The following HPSE2 variants were observed in gnomAD, a reference collection of about 807,000 sequenced individuals.
HPSE2 encodes inactive heparanase-2.
Under a neutral mutation model 60.5 loss-of-function variants are expected in HPSE2, and 38 were observed. The observed-to-expected ratio is 0.63, with a 90% CI of 0.48 to 0.82. The LOEUF is 0.82. Among genes scored for constraint, HPSE2 ranks in the 40% least tolerant of loss-of-function variants. HPSE2 has a pLI of 0.00. For synonymous variants in HPSE2, 295 were observed against 293.2 expected (o/e 1.01, Z -0.06); for missense variants, 713 against 740.4 (o/e 0.96, Z 0.43).
chr10:98,765,030 T>C (rs989462570), intron 3 of HPSE2, among the ~76,000 whole-genome samples: 1 of 152,070 alleles, frequency 6.6e-6, no homozygotes, highest in African/African-American at 2.4e-5. Context: ...CCAAAACATA[T>C]GAAGCAAAAA....
At chr10:98,834,764 T>C (rs934273528) in intron 3 of HPSE2, among the ~76,000 whole-genome samples, 19 of 152,116 alleles carry the variant, frequency 1.2e-4, no homozygotes, top group African/African-American at 3.6e-4. Context: ...AAGAACACAA[T>C]GCAACAGATT....
chr10:98,921,139 AAACTG>A (rs1462718331), intron 3 of HPSE2, among the ~76,000 whole-genome samples: 11 of 152,162 alleles, frequency 7.2e-5, no homozygotes, highest in Admixed American at 5.2e-4. Context: ...TCTCATATGT[AAACTG>A]AATATAATAC....
intron 3 of HPSE2, among the ~76,000 whole-genome samples, chr10:98,942,973 T>A (rs1288430319): frequency 1.3e-5 from 2 of 150,724 alleles, no homozygotes; most frequent in Non-Finnish European, 2.9e-5. Context: ...CAGTAAACTA[T>A]CGCAAGGACA....
chr10:99,287,267 A>G, the HPSE2 span, among the ~76,000 whole-genome samples: 28 of 152,288 alleles, frequency 1.8e-4, 1 homozygote, highest in African/African-American at 6.7e-4. Flanking sequence ...CAGCAGGAAT[A>G]AATGAGGAGA....
At chr10:98,822,651 C>T (rs1225898668) in intron 3 of HPSE2, among the ~76,000 whole-genome samples, 3 of 152,052 alleles carry the variant, frequency 2.0e-5, no homozygotes, top group African/African-American at 7.2e-5. Context: ...GAAAACAAAA[C>T]CCATAATATG....
chr10:99,047,586 C>T, intron 3 of HPSE2: 1 of 602,534 alleles, frequency 1.7e-6, no homozygotes, highest in South Asian at 2.1e-5. Flanking sequence ...GGTCTAATAG[C>T]CAGAATCTAT....
chr10:98,977,670 G>A (rs911428857), intron 3 of HPSE2, among the ~76,000 whole-genome samples: 3 of 152,048 alleles, frequency 2.0e-5, no homozygotes, highest in African/African-American at 7.2e-5. Flanking sequence ...TATAAACACT[G>A]TCTTCCATAG....
chr10:98,760,157 T>A (rs923592482), intron 3 of HPSE2, among the ~76,000 whole-genome samples: 1 of 152,126 alleles, frequency 6.6e-6, no homozygotes. Context: ...TGAATTCATT[T>A]ATTAATTCTA....
intron 3 of HPSE2, among the ~76,000 whole-genome samples, chr10:99,075,785 G>A (rs1319793120): frequency 3.3e-5 from 5 of 151,668 alleles, no homozygotes; most frequent in Admixed American, 3.3e-4. Flanking sequence ...AACATCTTTT[G>A]TCTCTTGTAA....
chr10:99,073,185 T>C (rs752289004), intron 3 of HPSE2, among the ~76,000 whole-genome samples: 4 of 152,130 alleles, frequency 2.6e-5, no homozygotes, highest in Non-Finnish European at 5.9e-5. Flanking sequence ...TGTATGTTCA[T>C]TGCAGCACTA....
At chr10:98,951,829 CT>C (rs1955365262) in intron 3 of HPSE2, among the ~76,000 whole-genome samples, 1 of 152,164 alleles carries the variant, frequency 6.6e-6, no homozygotes, top group Admixed American at 6.6e-5. Context: ...CATTTATTCA[CT>C]GCTCAGCCAG....
At chr10:98,979,449 G>A (rs1253136778) in intron 3 of HPSE2, among the ~76,000 whole-genome samples, 1 of 152,078 alleles carries the variant, frequency 6.6e-6, no homozygotes, top group Non-Finnish European at 1.5e-5. Flanking sequence ...TTGTGAGGCT[G>A]AAAACCAAAG....
chr10:99,236,552 A>G (rs1274332486), upstream of HPSE2, among the ~76,000 whole-genome samples: 2 of 152,112 alleles, frequency 1.3e-5, no homozygotes, highest in Non-Finnish European at 2.9e-5. Flanking sequence ...AGAGCCCTGA[A>G]GGACATTCCC....
At chr10:98,485,102 G>C in intron 10 of HPSE2, among the ~76,000 whole-genome samples, 1 of 152,162 alleles carries the variant, frequency 6.6e-6, no homozygotes, top group Admixed American at 6.5e-5. Context: ...CCAAGGACAG[G>C]TCAGTATGGT....
intron 2 of HPSE2, among the ~76,000 whole-genome samples, chr10:99,197,609 C>A (rs761123353): frequency 6.6e-6 from 1 of 151,994 alleles, no homozygotes; most frequent in Non-Finnish European, 1.5e-5. Flanking sequence ...CACATACATG[C>A]GAAGCACTTA....
chr10:99,059,128 A>C (rs1958178684), intron 3 of HPSE2, among the ~76,000 whole-genome samples: 1 of 152,200 alleles, frequency 6.6e-6, no homozygotes, highest in African/African-American at 2.4e-5. Context: ...AACCATTCTC[A>C]GTTTGCAGAC....
chr10:99,306,676 C>T, the HPSE2 span, among the ~76,000 whole-genome samples: 1 of 152,066 alleles, frequency 6.6e-6, no homozygotes. Context: ...ATGATCATCG[C>T]CATGGGGATC....
intron 6 of HPSE2, among the ~76,000 whole-genome samples, chr10:98,653,734 T>A (rs892038970): frequency 1.6e-4 from 24 of 152,132 alleles, no homozygotes; most frequent in African/African-American, 5.8e-4. Context: ...ACAGTTATCT[T>A]TTAGACAAAT....
chr10:98,815,420 C>T (rs1951263754), intron 3 of HPSE2, among the ~76,000 whole-genome samples: 1 of 152,146 alleles, frequency 6.6e-6, no homozygotes. Context: ...GATTCACATG[C>T]AAAACAGAGC....
Sources: gnomAD v4.1 joint callset for allele counts (sites outside exome capture counted in the v4.1 genomes callset) on GRCh38, gnomAD v4.1.1 for gene constraint, MANE v1.5 for transcripts, NCBI Gene and HGNC (gene_info 2026-07-23, HGNC 2026-07-21) for gene names.